ARID2: variants seen among roughly 807,000 people sequenced by gnomAD.
ARID2 encodes the protein AT-rich interaction domain 2.
ARID2 carries 32 observed loss-of-function variants against 184.6 expected under a neutral mutation model. The ratio of observed to expected loss-of-function variants is 0.17; its 90% confidence interval spans 0.13 to 0.23. ARID2 has a LOEUF of 0.23. ARID2 is among the 10% of genes least tolerant of loss of function. The pLI, the probability that ARID2 is intolerant of heterozygous loss-of-function variation, is 1.00. For missense variants in ARID2, 1,696 were observed against 2,197.6 expected (o/e 0.77, Z 4.56); for synonymous variants, 836 against 772.6 (o/e 1.08, Z -1.36).
chr12:45,799,247 T>C (rs1942450074), intron 3 of ARID2, among the ~76,000 whole-genome samples: 1 of 152,190 alleles, frequency 6.6e-6, no homozygotes, highest in South Asian at 2.1e-4. Flanking sequence ...TAAGTATTTG[T>C]TGAATGAATT....
At chr12:45,873,199 G>C (rs761935575) in intron 16 of ARID2, among the ~76,000 whole-genome samples, 5 of 152,096 alleles carry the variant, frequency 3.3e-5, no homozygotes, top group East Asian at 1.9e-4. Flanking sequence ...TGCCACTCCA[G>C]CTTACTTTTA....
intron 3 of ARID2, among the ~76,000 whole-genome samples, chr12:45,738,780 T>C (rs1423395133): frequency 5.3e-5 from 1 of 18,878 alleles, no homozygotes; most frequent in East Asian, 4.5e-4. Flanking sequence ...TATGGGCTAC[T>C]TTTTTTTTTT....
At chr12:45,810,004 G>C (rs1942674767) in intron 3 of ARID2, among the ~76,000 whole-genome samples, 1 of 152,156 alleles carries the variant, frequency 6.6e-6, no homozygotes, top group Admixed American at 6.5e-5. Context: ...AAAAAGCAGA[G>C]GGTAGGTAGC....
chr12:45,869,773 A>G (rs570061213), intron 16 of ARID2, among the ~76,000 whole-genome samples: 13 of 151,826 alleles, frequency 8.6e-5, no homozygotes, highest in South Asian at 6.3e-4. Flanking sequence ...ATCCCAGCTA[A>G]TAAGGAGGCT....
intron 3 of ARID2, among the ~76,000 whole-genome samples, chr12:45,736,217 C>T (rs1474546720): frequency 1.3e-5 from 2 of 151,988 alleles, no homozygotes; most frequent in African/African-American, 2.4e-5. Flanking sequence ...ATTAGCTAGG[C>T]GTGGTGGCAT....
intron 3 of ARID2, among the ~76,000 whole-genome samples, chr12:45,804,867 T>G (rs557031845): frequency 1.3e-5 from 2 of 152,256 alleles, no homozygotes; most frequent in South Asian, 2.1e-4. Flanking sequence ...ACTTACTACA[T>G]ACTTGTCTGT....
chr12:45,873,194 C>T (rs1943952236), intron 16 of ARID2, among the ~76,000 whole-genome samples: 1 of 152,188 alleles, frequency 6.6e-6, no homozygotes, highest in Non-Finnish European at 1.5e-5. Context: ...ATTATTGCCA[C>T]TCCAGCTTAC....
At chr12:45,832,288 C>T (rs975857769) in intron 6 of ARID2, among the ~76,000 whole-genome samples, 1 of 152,088 alleles carries the variant, frequency 6.6e-6, no homozygotes, top group Non-Finnish European at 1.5e-5. Flanking sequence ...ATTGTAGACT[C>T]TCACTACTTT....
intron 16 of ARID2, among the ~76,000 whole-genome samples, chr12:45,872,178 CTCT>C (rs1300510590): frequency 6.6e-6 from 1 of 151,430 alleles, no homozygotes; most frequent in African/African-American, 2.4e-5. Flanking sequence ...GTTTAATGTG[CTCT>C]TCTTTGTCTA....
At chr12:45,879,114 T>A (rs1175384871) in intron 16 of ARID2, among the ~76,000 whole-genome samples, 1 of 152,216 alleles carries the variant, frequency 6.6e-6, no homozygotes, top group Non-Finnish European at 1.5e-5. Context: ...AGGTGAAATA[T>A]TCTATAATCT....
At chr12:45,744,509 T>G (rs1190545719) in intron 3 of ARID2, among the ~76,000 whole-genome samples, 1 of 152,174 alleles carries the variant, frequency 6.6e-6, no homozygotes, top group African/African-American at 2.4e-5. Context: ...TCCAAGAATT[T>G]AACACAAAAA....
At chr12:45,792,117 C>T (rs1368648462) in intron 3 of ARID2, among the ~76,000 whole-genome samples, 2 of 152,042 alleles carry the variant, frequency 1.3e-5, no homozygotes, top group African/African-American at 2.4e-5. Context: ...TTTTAAAACC[C>T]TTTTAGAGAT....
At chr12:45,785,965 C>T (rs751947032) in intron 3 of ARID2, among the ~76,000 whole-genome samples, 1 of 152,128 alleles carries the variant, frequency 6.6e-6, no homozygotes, top group Admixed American at 6.5e-5. Context: ...TGAAACCATT[C>T]CCTGCTGTCA....
At chr12:45,863,148 C>CT (rs1278368363) in intron 16 of ARID2, among the ~76,000 whole-genome samples, 4 of 152,124 alleles carry the variant, frequency 2.6e-5, no homozygotes, top group African/African-American at 9.7e-5. Context: ...GAGAGTTTTA[C>CT]TACAAGCATT....
chr12:45,784,866 C>T (rs1942167642), intron 3 of ARID2, among the ~76,000 whole-genome samples: 1 of 152,206 alleles, frequency 6.6e-6, no homozygotes, highest in African/African-American at 2.4e-5. Flanking sequence ...ACAAATATTA[C>T]TTAATTCCCA....
At chr12:45,773,555 A>G (rs2138027700) in intron 3 of ARID2, among the ~76,000 whole-genome samples, 1 of 152,212 alleles carries the variant, frequency 6.6e-6, no homozygotes, top group African/African-American at 2.4e-5. Context: ...GAAAGAGGAG[A>G]CACTGCTACC....
At chr12:45,731,954 A>G (rs1941012051) in intron 3 of ARID2, among the ~76,000 whole-genome samples, 1 of 152,006 alleles carries the variant, frequency 6.6e-6, no homozygotes, top group African/African-American at 2.4e-5. Context: ...ATGGGATACT[A>G]TAATCTGGAT....
intron 16 of ARID2, among the ~76,000 whole-genome samples, chr12:45,864,743 TA>T (rs1323129945): frequency 6.6e-6 from 1 of 152,192 alleles, no homozygotes; most frequent in Non-Finnish European, 1.5e-5. Context: ...TTTTGTGATA[TA>T]AACAGCCTTT....
chr12:45,829,922 T>C (rs934880243), intron 6 of ARID2, among the ~76,000 whole-genome samples: 4 of 150,664 alleles, frequency 2.7e-5, no homozygotes, highest in Non-Finnish European at 4.4e-5. Flanking sequence ...GCTTGACTTA[T>C]TTGTTAAATT....
Sources: allele counts gnomAD v4.1 joint callset (sites outside exome capture counted in the v4.1 genomes callset), GRCh38; gene constraint gnomAD v4.1.1; transcripts MANE v1.5; gene names NCBI Gene and HGNC (gene_info 2026-07-23, HGNC 2026-07-21).